Variants in ROBO2 observed in about 807,000 individuals in gnomAD.
The protein encoded by ROBO2 is roundabout homolog 2.
A neutral mutation model predicts 160.8 loss-of-function variants in ROBO2; 53 were observed. The ratio of observed to expected loss-of-function variants is 0.33; its 90% CI spans 0.26 to 0.41. ROBO2 has a LOEUF of 0.41. ROBO2 is among the 10% of genes least tolerant of loss of function. The pLI is 1.00. For synonymous variants in ROBO2, 664 were observed against 611.7 expected, an observed-to-expected ratio of 1.09 and a Z score of -1.26; for missense variants, 1,577 against 1,722.4, an observed-to-expected ratio of 0.92 and a Z score of 1.49.
intron 2 of ROBO2, among the ~76,000 whole-genome samples, chr3:76,985,051 G>T (rs2060298148): frequency 6.6e-6 from 1 of 151,998 alleles, no homozygotes. Flanking sequence ...AGAATGATGT[G>T]AATAATCTTA....
chr3:77,529,437 A>G (rs956820145), intron 6 of ROBO2, among the ~76,000 whole-genome samples: 1 of 151,706 alleles, frequency 6.6e-6, no homozygotes. Flanking sequence ...CTTATAAGCT[A>G]ATGACTTTTC....
At chr3:77,054,238 A>G in intron 1 of ROBO2, among the ~76,000 whole-genome samples, 1 of 152,166 alleles carries the variant, frequency 6.6e-6, no homozygotes, top group East Asian at 1.9e-4. Context: ...AGAAATTTCT[A>G]CCATCTGTCA....
At chr3:76,194,350 G>GTGTATATATATATA (rs759087780) in intron 2 of ROBO2, among the ~76,000 whole-genome samples, 86 of 42,024 alleles carry the variant, frequency 2.0e-3, no homozygotes, top group Non-Finnish European at 5.0e-3. Context: ...TGTATGGTGT[G>GTGTATATATATATA]TAAATATATA....
intron 2 of ROBO2, among the ~76,000 whole-genome samples, chr3:76,721,491 C>G (rs1394306068): frequency 6.6e-6 from 1 of 152,140 alleles, no homozygotes. Context: ...AACTATACTA[C>G]ATTCCTCTCT....
chr3:77,314,823 G>A (rs1163584716), intron 2 of ROBO2, among the ~76,000 whole-genome samples: 1 of 152,178 alleles, frequency 6.6e-6, no homozygotes, highest in Non-Finnish European at 1.5e-5. Flanking sequence ...GAGCAAGGTT[G>A]TCCCATATAA....
At chr3:76,069,843 C>T (rs1240669734) in intron 2 of ROBO2, among the ~76,000 whole-genome samples, 2 of 152,078 alleles carry the variant, frequency 1.3e-5, no homozygotes, top group Admixed American at 6.6e-5. Context: ...GGTAGAAGAA[C>T]GTGGATTGTG....
chr3:75,911,278 C>G (rs536015877), intron 1 of ROBO2, among the ~76,000 whole-genome samples: 1 of 152,030 alleles, frequency 6.6e-6, no homozygotes, highest in South Asian at 2.1e-4. Flanking sequence ...GTGATGTACA[C>G]GATCTATTAC....
At chr3:77,510,315 C>T (rs757944675) in intron 5 of ROBO2, among the ~76,000 whole-genome samples, 15 of 151,920 alleles carry the variant, frequency 9.9e-5, no homozygotes, top group African/African-American at 3.4e-4. Flanking sequence ...TTATGGACCA[C>T]GACATCTAAG....
chr3:76,173,522 C>T (rs1203719330), intron 2 of ROBO2, among the ~76,000 whole-genome samples: 1 of 151,804 alleles, frequency 6.6e-6, no homozygotes, highest in Non-Finnish European at 1.5e-5. Context: ...TTGACCCCCA[C>T]CCCTGACAGG....
intron 2 of ROBO2, among the ~76,000 whole-genome samples, chr3:76,939,469 G>T (rs904837343): frequency 1.3e-5 from 2 of 151,982 alleles, no homozygotes; most frequent in Admixed American, 6.6e-5. Flanking sequence ...AAATTTAAAG[G>T]CTTGTGAACA....
At chr3:76,761,140 T>G (rs1226332821) in intron 2 of ROBO2, among the ~76,000 whole-genome samples, 1 of 151,718 alleles carries the variant, frequency 6.6e-6, no homozygotes, top group Non-Finnish European at 1.5e-5. Flanking sequence ...CACTCTTAAC[T>G]AGGGATCAAT....
chr3:77,495,963 A>T (rs2086730484), intron 5 of ROBO2, among the ~76,000 whole-genome samples: 1 of 152,188 alleles, frequency 6.6e-6, no homozygotes, highest in African/African-American at 2.4e-5. Context: ...AAGCTGCTAC[A>T]CTGTTCTCTA....
At chr3:76,546,432 G>T (rs140740009) in intron 2 of ROBO2, among the ~76,000 whole-genome samples, 2 of 151,732 alleles carry the variant, frequency 1.3e-5, no homozygotes, top group Non-Finnish European at 3.0e-5. Flanking sequence ...TAGTTTGCAC[G>T]GCAAAGAGAA....
intron 2 of ROBO2, among the ~76,000 whole-genome samples, chr3:76,260,465 G>C (rs969390578): frequency 1.3e-4 from 20 of 152,126 alleles, no homozygotes; most frequent in African/African-American, 4.8e-4. Flanking sequence ...TCTTTGCTTT[G>C]ATTAATATGT....
intron 2 of ROBO2, among the ~76,000 whole-genome samples, chr3:76,373,158 T>A (rs1464765684): frequency 6.6e-6 from 1 of 151,980 alleles, no homozygotes; most frequent in African/African-American, 2.4e-5. Context: ...GAATAAATAA[T>A]TCCATTGGCA....
intron 2 of ROBO2, among the ~76,000 whole-genome samples, chr3:76,401,980 A>C (rs1234611853): frequency 6.6e-6 from 1 of 151,490 alleles, no homozygotes; most frequent in Admixed American, 6.6e-5. Flanking sequence ...CGAGAGGATA[A>C]CTTCTGAATT....
intron 2 of ROBO2, among the ~76,000 whole-genome samples, chr3:76,397,308 T>G (rs1444088313): frequency 6.6e-6 from 1 of 152,228 alleles, no homozygotes; most frequent in East Asian, 1.9e-4. Flanking sequence ...CCTTACACCT[T>G]ATACAAAAAT....
intron 2 of ROBO2, among the ~76,000 whole-genome samples, chr3:77,229,976 A>G (rs2086964778): frequency 6.6e-6 from 1 of 152,234 alleles, no homozygotes; most frequent in Non-Finnish European, 1.5e-5. Context: ...TATAAATTAA[A>G]GTAAACTACT....
chr3:77,078,243 T>TA (rs1245830844), intron 1 of ROBO2, among the ~76,000 whole-genome samples: 1 of 152,244 alleles, frequency 6.6e-6, no homozygotes, highest in African/African-American at 2.4e-5. Context: ...ACGTCCAGTT[T>TA]AAAAACATAT....
Sources: allele counts gnomAD v4.1 joint callset (sites outside exome capture counted in the v4.1 genomes callset), GRCh38; gene constraint gnomAD v4.1.1; transcripts MANE v1.5; gene names NCBI Gene and HGNC (gene_info 2026-07-23, HGNC 2026-07-21).